The following PLCG2 variants were observed in gnomAD, a reference collection of about 807,000 sequenced individuals.
PLCG2 encodes the protein 1-phosphatidylinositol 4,5-bisphosphate phosphodiesterase gamma-2.
A neutral mutation model predicts 175.6 loss-of-function variants in PLCG2; 69 were observed. The observed-to-expected ratio is 0.39, with a 90% CI of 0.32 to 0.48. PLCG2 has a LOEUF of 0.48. PLCG2 is among the 20% of genes least tolerant of loss of function. The pLI, the probability that PLCG2 is intolerant of heterozygous loss-of-function variation, is 0.91. For synonymous variants in PLCG2, 827 were observed against 624.0 expected (o/e 1.33, Z -4.85); for missense variants, 1,798 against 1,650.9 (o/e 1.09, Z -1.54).
At chr16:81,895,974 C>T in intron 13 of PLCG2, 47 bp downstream of exon 13, 1 of 1,611,350 alleles carries the variant, frequency 6.2e-7, no homozygotes, top group Non-Finnish European at 8.5e-7. Context: ...GGGAAGGCAG[C>T]TAGGGTTGGA....
chr16:81,761,198 A>G (rs1910034564), intron 2 of PLCG2, among the ~76,000 whole-genome samples: 4 of 152,236 alleles, frequency 2.6e-5, no homozygotes, highest in Admixed American at 2.6e-4. Context: ...GCGCCCAGCT[A>G]CAAAAATGTT....
chr16:81,759,841 T>C (rs533481080), intron 2 of PLCG2, among the ~76,000 whole-genome samples: 4 of 152,292 alleles, frequency 2.6e-5, no homozygotes, highest in African/African-American at 7.2e-5. Flanking sequence ...AAGAATACAA[T>C]GTAGGCCGGG....
chr16:81,907,108 G>C (rs938498062), intron 15 of PLCG2, among the ~76,000 whole-genome samples: 7 of 150,724 alleles, frequency 4.6e-5, no homozygotes, highest in Non-Finnish European at 1.0e-4. Context: ...AACCTGCACA[G>C]TGTACACATG....
At chr16:81,859,948 C>A (rs1906884470) in intron 5 of PLCG2, among the ~76,000 whole-genome samples, 1 of 152,038 alleles carries the variant, frequency 6.6e-6, no homozygotes, top group African/African-American at 2.4e-5. Context: ...CCTATCAGTC[C>A]TGCACAAAGC....
rs1467687361 is a variant in PLCG2 at position 81,961,132 on chromosome 16, G to GCC, written c.*3135_*3136dup. 1.3e-5 allele frequency: 3 copies of GCC among 231,068 alleles called. No homozygotes were observed. Among genetic ancestry groups the GCC allele is most frequent in the African/African-American group, 6.6e-5 (3 of 45,270 alleles). 14.3% of individuals were successfully genotyped at this position (231,068 alleles called of 1,614,324 possible). On this transcript the variant is annotated 3_prime_UTR_variant, in exon 33 of 33. Transcript: ENST00000564138. ...TGCTTTCAACAAAGTGGGAGGAACA[G>GCC]CCTGTAGATTTCTGAGTCTCTTAGC...
chr16:81,791,279 G>A (rs1459967810), intron 2 of PLCG2, among the ~76,000 whole-genome samples: 1 of 152,126 alleles, frequency 6.6e-6, no homozygotes, highest in Non-Finnish European at 1.5e-5. Flanking sequence ...TGAGGAATGG[G>A]GAGGGCTCAT....
chr16:81,927,617 C>T (rs998762794), intron 23 of PLCG2, among the ~76,000 whole-genome samples: 1 of 152,148 alleles, frequency 6.6e-6, no homozygotes, highest in Non-Finnish European at 1.5e-5. Flanking sequence ...TGTTCCCTCG[C>T]CGCCTCTTGT....
intron 20 of PLCG2, among the ~76,000 whole-genome samples, chr16:81,920,130 G>T (rs577840343): frequency 5.3e-5 from 8 of 152,292 alleles, no homozygotes; most frequent in African/African-American, 1.9e-4. Flanking sequence ...CCCAGGTGGG[G>T]GTAGAGCTAA....
intron 2 of PLCG2, among the ~76,000 whole-genome samples, chr16:81,787,534 T>TG (rs1911032161): frequency 9.2e-6 from 1 of 108,362 alleles, no homozygotes; most frequent in Non-Finnish European, 2.0e-5. Context: ...AGCCTTGCAC[T>TG]CTTTTTTTTT....
At chr16:81,767,423 G>A (rs182861230) in intron 2 of PLCG2, 1 of 152,156 alleles carries the variant, frequency 6.6e-6, no homozygotes, top group African/African-American at 2.4e-5. Flanking sequence ...GGAATTACAG[G>A]CGTGAACCAC....
intron 28 of PLCG2, among the ~76,000 whole-genome samples, chr16:81,938,288 A>T (rs1910799737): frequency 6.6e-6 from 1 of 152,116 alleles, no homozygotes; most frequent in South Asian, 2.1e-4. Flanking sequence ...TTTAAAATTC[A>T]TCTGACTTTC....
chr16:81,869,833 G>C (rs1272628781), intron 6 of PLCG2, among the ~76,000 whole-genome samples: 1 of 152,124 alleles, frequency 6.6e-6, no homozygotes, highest in Non-Finnish European at 1.5e-5. Context: ...GCCACTCCAT[G>C]AGTGATGGGA....
At chr16:81,765,940 A>G (rs1195165487) in intron 2 of PLCG2, among the ~76,000 whole-genome samples, 1 of 152,152 alleles carries the variant, frequency 6.6e-6, no homozygotes, top group African/African-American at 2.4e-5. Context: ...TTGACGGGGG[A>G]CCCAGGTAAC....
At chr16:81,819,817 C>T (rs900749564) in intron 2 of PLCG2, among the ~76,000 whole-genome samples, 1 of 152,176 alleles carries the variant, frequency 6.6e-6, no homozygotes, top group Non-Finnish European at 1.5e-5. Flanking sequence ...AACTCCTGAC[C>T]TTGTGATCTG....
chr16:81,768,579 T>C (rs12051205), intron 2 of PLCG2, among the ~76,000 whole-genome samples: 50,926 of 142,712 alleles, frequency 0.36, 9,531 homozygotes, highest in South Asian at 0.45. Flanking sequence ...TTTTTTTTTT[T>C]CCCGAGATGG....
intron 26 of PLCG2, chr16:81,935,447 C>G (rs1910668185): frequency 1.2e-6 from 1 of 815,806 alleles, no homozygotes; most frequent in African/African-American, 1.9e-5. Flanking sequence ...AGACCTTCTA[C>G]CACATTCTCC....
intron 4 of PLCG2, 94 bp downstream of exon 4, chr16:81,858,450 AAG>A: frequency 1.3e-6 from 1 of 783,954 alleles, no homozygotes; most frequent in Non-Finnish European, 2.2e-6. Flanking sequence ...AAAAAAAAAA[AAG>A]GGACATTGGT....
At chr16:81,956,937 TG>T (rs1380810922) in intron 32 of PLCG2, 58 bp downstream of exon 32, 19 of 1,436,916 alleles carry the variant, frequency 1.3e-5, no homozygotes, top group Admixed American at 1.8e-5. Context: ...ACGGTGATGA[TG>T]GGCACCACGG....
At chr16:81,773,940 C>T (rs1910337307) in intron 2 of PLCG2, among the ~76,000 whole-genome samples, 1 of 152,010 alleles carries the variant, frequency 6.6e-6, no homozygotes, top group African/African-American at 2.4e-5. Flanking sequence ...TGCTATATCC[C>T]TGGAGCCTGG....
Sources: allele counts gnomAD v4.1 joint callset (sites outside exome capture counted in the v4.1 genomes callset), GRCh38; gene constraint gnomAD v4.1.1; transcripts MANE v1.5; gene names NCBI Gene and HGNC (gene_info 2026-07-23, HGNC 2026-07-21).